The following DLX1 variants were observed in gnomAD, a reference collection of about 807,000 sequenced individuals.
The protein encoded by DLX1 is homeobox protein DLX-1.
DLX1 carries 7 observed loss-of-function variants against 25.0 expected under a neutral mutation model. That is an observed-to-expected ratio of 0.28 (90% CI 0.16 to 0.52). DLX1 has a LOEUF of 0.52. DLX1 is among the 20% of genes least tolerant of loss of function. DLX1 has a pLI of 0.96. For synonymous variants in DLX1, 155 were observed against 140.3 expected, an observed-to-expected ratio of 1.10 and a Z score of -0.74; for missense variants, 233 against 334.4, an observed-to-expected ratio of 0.70 and a Z score of 2.37.
Position 172,085,658 on chromosome 2 carries a change from C to G in DLX1, c.-20C>G. 1 of 1,604,276 alleles carries G rather than the reference C, an allele frequency of 6.2e-7. No individual in the cohort carries two copies. The highest frequency in any genetic ancestry group is 1.1e-5 in the South Asian group (1 of 88,946). ...GAAGCAGAGGAGAGAAAGTCCCACA[C>G]CCAGACCCCGCGAGAAGAGATGACC... On this transcript the variant is annotated 5_prime_UTR_variant, in exon 1 of 3. Coordinates refer to ENST00000361725, the MANE Select transcript of DLX1 (RefSeq NM_178120.5). The surrounding 1 kb of genome is among the most constrained non-coding windows in gnomAD (Gnocchi z 4.3).
Position 172,086,775 on chromosome 2 carries a change from G to A in DLX1, c.435G>A (p.Arg145=), listed in dbSNP as rs1264944402. The change falls in exon 2 of 3, where the codon CGG becomes CGA. Residue 145 remains arginine (R), a synonymous_variant. Transcript: ENST00000361725. ...GTTTGCAGTTGCAGGCTTTGAACCGGAGGTTCCAGCAAACTCAGTACCTAG... is the reference window on the plus strand; with the variant it reads ...GTTTGCAGTTGCAGGCTTTGAACCGAAGGTTCCAGCAAACTCAGTACCTAG... The part of the protein sequence containing the change: ...YSSLQLQALN[R]RFQQTQYLAL... The A allele has an allele frequency of 1.2e-6, 2 of 1,613,714 alleles. No individual in the cohort carries two copies. Among genetic ancestry groups the A allele is most frequent in the Non-Finnish European group, 1.7e-6 (2 of 1,179,796 alleles).
chr2:172,087,456 G>A, intron 2 of DLX1: 1 of 454,178 alleles, frequency 2.2e-6, no homozygotes, highest in Non-Finnish European at 4.4e-6. Flanking sequence ...GCTGGAGAAA[G>A]CAAACAGACA....
chr2:172,089,120 C>T lies in DLX1; in HGVS notation c.*863C>T, dbSNP rs561720073. The T allele has an allele frequency of 1.3e-4, 20 of 152,260 alleles. No homozygotes were observed. In the South Asian group the frequency reaches 3.3e-3, roughly 25 times the overall value. 9.4% of individuals were successfully genotyped at this position (152,260 alleles called of 1,614,324 possible). On this transcript the variant is annotated 3_prime_UTR_variant, in exon 3 of 3. Coordinates refer to ENST00000361725, the MANE Select transcript of DLX1 (RefSeq NM_178120.5). ...ATAAATGAAGCCAACATGATTTTCT[C>T]ATTTCGGGAGGAACTCTGTTGCTTC...
intron 1 of DLX1, 39 bp from the exon 2 acceptor site, chr2:172,086,615 T>G: frequency 6.6e-7 from 1 of 1,508,224 alleles, no homozygotes; most frequent in Non-Finnish European, 8.9e-7. Flanking sequence ...AGGCGGCCCC[T>G]CGTATTAACA....
At position 172,087,994 on chromosome 2, in the gene DLX1, C is replaced by G. The variant is rs1690892063; in HGVS notation, c.514-9C>G. On this transcript the variant is annotated splice_polypyrimidine_tract_variant and intron_variant, in intron 2 of 2. Coordinates refer to ENST00000361725, the MANE Select transcript of DLX1 (RefSeq NM_178120.5). Reference sequence around the variant, plus strand: ...CCAGCCTGAGTCACGTTGTTGTCCGCTCTTGCAGGTCAAGATCTGGTTCCA... The same window carrying G: ...CCAGCCTGAGTCACGTTGTTGTCCGGTCTTGCAGGTCAAGATCTGGTTCCA... 2 of 1,507,364 alleles carry G rather than the reference C, an allele frequency of 1.3e-6. No homozygotes were observed. Among genetic ancestry groups the G allele is most frequent in the South Asian group, 2.7e-5 (2 of 73,880 alleles). The allele number at this position is 1,507,364 out of a possible 1,614,324, so 93.4% of individuals were successfully genotyped here. A position where few individuals can be genotyped will look rare whatever the true frequency, so the allele number is the denominator to read the frequency against.
At chr2:172,087,839 A>T (rs558221336) in intron 2 of DLX1, among the ~76,000 whole-genome samples, 164 bp from the exon 3 acceptor site, 1 of 152,214 alleles carries the variant, frequency 6.6e-6, no homozygotes, top group African/African-American at 2.4e-5. Flanking sequence ...CTTATGGGGG[A>T]AGGGAGGAAG....
intron 2 of DLX1, chr2:172,087,239 G>A (rs1574156187): frequency 4.9e-6 from 2 of 405,546 alleles, no homozygotes; most frequent in East Asian, 6.6e-5. Context: ...CTGGGTCCGC[G>A]CCTCAGCCTC....
At chr2:172,086,254 G>T (rs1690837197) in intron 1 of DLX1, 2 of 539,258 alleles carry the variant, frequency 3.7e-6, no homozygotes, top group Non-Finnish European at 3.3e-6. Flanking sequence ...CCTGGCACTG[G>T]CTGGGCCTCT....
At chr2:172,087,928 TC>T in intron 2 of DLX1, 74 bp from the exon 3 acceptor site, 1 of 1,502,130 alleles carries the variant, frequency 6.7e-7, no homozygotes, top group Non-Finnish European at 8.9e-7. Context: ...TGTTCTGCGG[TC>T]CCTTTTTTCC....
At chr2:172,086,047 A>T in intron 1 of DLX1, 57 bp downstream of exon 1, 1 of 1,270,614 alleles carries the variant, frequency 7.9e-7, no homozygotes, top group Non-Finnish European at 1.0e-6. Context: ...AGAGGGAAAG[A>T]AGGAGCGGGG....
At position 172,088,574 on chromosome 2, in the gene DLX1, C is replaced by G; in HGVS notation, c.*317C>G. On this transcript the variant is annotated 3_prime_UTR_variant, in exon 3 of 3. Coordinates refer to ENST00000361725, the MANE Select transcript of DLX1 (RefSeq NM_178120.5). ...CCGACCTTCAGCTTTGTGGGACTAT[C>G]AGGAAAAAACAAAACAAAAACAAAA... 1 of 326,252 alleles carries G rather than the reference C, an allele frequency of 3.1e-6. No homozygotes were observed. Among genetic ancestry groups the G allele is most frequent in the Non-Finnish European group, 5.6e-6 (1 of 179,632 alleles). The allele number at this position is 326,252 out of a possible 1,614,324, so 20.2% of individuals were successfully genotyped here.
chr2:172,086,554 G>A, intron 1 of DLX1, 100 bp from the exon 2 acceptor site: 1 of 1,184,288 alleles, frequency 8.4e-7, no homozygotes, highest in Non-Finnish European at 1.2e-6. Context: ...TCTCCCTGGT[G>A]CTGCCTCCGC....
chr2:172,087,058 G>A (rs1340941694), intron 2 of DLX1: 1 of 722,454 alleles, frequency 1.4e-6, no homozygotes, highest in South Asian at 1.5e-5. Flanking sequence ...ATCCCGAGCT[G>A]CCTGCCGTCC....
At position 172,088,144 on chromosome 2, in the gene DLX1, A is replaced by G. The variant is rs774501591; in HGVS notation, c.655A>G (p.Asn219Asp). ...ACCCGTGCCGCCCGGCTGGAACCCTAACTCTTCATCCGGGAAGGGCTCAGG... is the reference window on the plus strand; with the variant it reads ...ACCCGTGCCGCCCGGCTGGAACCCTGACTCTTCATCCGGGAAGGGCTCAGG... ...SPPVPPGWNP[N>D]SSSGKGSGGN... The change falls in exon 3 of 3, where the codon AAC becomes GAC. Residue 219 changes from asparagine (N) to aspartate (D), a missense_variant. By Grantham distance (23) the Asn-to-Asp change is conservative. Transcript: ENST00000361725. 2.5e-6 allele frequency: 4 copies of G among 1,609,988 alleles called. No individual in the cohort carries two copies. The South Asian group carries it at 4.4e-5, about 18-fold the overall frequency.
At position 172,089,370 on chromosome 2, in the gene DLX1, ATATTATTGTTATTAT is replaced by A. The variant is rs1056295705; in HGVS notation, c.*1130_*1144del. 24 of 152,556 alleles carry A rather than the reference ATATTATTGTTATTAT, an allele frequency of 1.6e-4. No individual in the cohort carries two copies. The highest frequency in any genetic ancestry group is 2.9e-5 in the Non-Finnish European group (2 of 68,034). The allele number at this position is 152,556 out of a possible 1,614,324, so 9.5% of individuals were successfully genotyped here. ...CCAGTGCAGGATCTAATGACTGTAC[ATATTATTGTTATTAT>A]TATTATTGTTATTATTGTTGTTCTG... is the stretch of plus-strand genomic sequence containing the variant. On this transcript the variant is annotated 3_prime_UTR_variant, in exon 3 of 3. Coordinates refer to ENST00000361725, the MANE Select transcript of DLX1 (RefSeq NM_178120.5).
rs1690922736 is a variant in DLX1 at position 172,089,105 on chromosome 2, C to G, written c.*848C>G. The G allele has an allele frequency of 6.6e-6, 1 of 152,120 alleles. No individual in the cohort carries two copies. The highest frequency in any genetic ancestry group is 2.1e-4 in the South Asian group (1 of 4,824). The allele number at this position is 152,120 out of a possible 1,614,324, so 9.4% of individuals were successfully genotyped here. The stretch of plus-strand genomic sequence containing the variant: ...TAAAAGAAAAGAACGATAAATGAAG[C>G]CAACATGATTTTCTCATTTCGGGAG... On this transcript the variant is annotated 3_prime_UTR_variant, in exon 3 of 3. Transcript: ENST00000361725.
Position 172,085,745 on chromosome 2 carries a change from T to C in DLX1, c.68T>C (p.Phe23Ser). 1.2e-6 allele frequency: 2 copies of C among 1,614,104 alleles called. No individual in the cohort carries two copies. The highest frequency in any genetic ancestry group is 1.7e-6 in the Non-Finnish European group (2 of 1,180,026). Residue 23 changes from phenylalanine to serine, a missense_variant, in exon 1 of 3, where the codon TTT becomes TCT. Physicochemically the swap from Phe to Ser is radical, Grantham distance 155. Coordinates refer to ENST00000361725, the MANE Select transcript of DLX1 (RefSeq NM_178120.5). This position sits in a 1 kb window ranked among gnomAD's most constrained non-coding sequence, Gnocchi z 4.3. ...TCGGGCAAGGCGGTGTTTATGGAGT[T>C]TGGGCCGCCCAACCAGCAAATGTCT... Reference protein sequence around the residue: ...PVSGKAVFMEFGPPNQQMSPS... With the variant: ...PVSGKAVFMESGPPNQQMSPS...
rs564449090 is a variant in DLX1 at position 172,087,237 on chromosome 2, G to C, written c.513+384G>C. The stretch of plus-strand genomic sequence containing the variant: ...GACTAATCACTCGGGGCCTGGGTCC[G>C]CGCCTCAGCCTCCCTCCTCCTCCTC... On this transcript the variant is annotated intron_variant, in intron 2 of 2. Transcript: ENST00000361725. 66 of 408,244 alleles carry C rather than the reference G, an allele frequency of 1.6e-4. 1 individual carries two copies. Among genetic ancestry groups the C allele is most frequent in the South Asian group, 1.2e-3 (65 of 52,566 alleles). The allele number at this position is 408,244 out of a possible 1,614,324, so 25.3% of individuals were successfully genotyped here. A position where few individuals can be genotyped will look rare whatever the true frequency, so the allele number is the denominator to read the frequency against.
chr2:172,085,670 G>C lies in DLX1; in HGVS notation c.-8G>C. On this transcript the variant is annotated 5_prime_UTR_variant, in exon 1 of 3. Coordinates refer to ENST00000361725, the MANE Select transcript of DLX1 (RefSeq NM_178120.5). The surrounding 1 kb of genome is among the most constrained non-coding windows in gnomAD (Gnocchi z 4.3). ...AGAAAGTCCCACACCCAGACCCCGC[G>C]AGAAGAGATGACCATGACCACCATG... 1.9e-6 allele frequency: 3 copies of C among 1,610,506 alleles called. No homozygotes were observed. Among genetic ancestry groups the C allele is most frequent in the Non-Finnish European group, 2.5e-6 (3 of 1,178,044 alleles).
Sources: gnomAD v4.1 joint callset for allele counts (sites outside exome capture counted in the v4.1 genomes callset) on GRCh38, gnomAD v4.1.1 for gene constraint, Gnocchi (gnomAD v3.1) non-coding constraint, MANE v1.5 for transcripts, NCBI Gene and HGNC (gene_info 2026-07-23, HGNC 2026-07-21) for gene names.